AGTPBP1: variants seen among roughly 807,000 people sequenced by gnomAD.
AGTPBP1 encodes ATP/GTP binding carboxypeptidase 1.
Under a neutral mutation model 143.9 loss-of-function variants are expected in AGTPBP1, and 70 were observed. The ratio of observed to expected loss-of-function variants is 0.49; its 90% CI spans 0.40 to 0.59. The LOEUF (loss-of-function observed/expected upper bound fraction) is 0.59, where lower values mean the gene tolerates loss of function less well. Among genes scored for constraint, AGTPBP1 ranks in the 20% least tolerant of loss-of-function variants. The pLI, the probability that AGTPBP1 is intolerant of heterozygous loss-of-function variation, is 0.00. For synonymous variants in AGTPBP1, 463 were observed against 500.2 expected, an observed-to-expected ratio of 0.93 and a Z score of 0.99; for missense variants, 1,229 against 1,464.5, an observed-to-expected ratio of 0.84 and a Z score of 2.62.
chr9:85,689,637 G>A (rs1162235457), intron 3 of AGTPBP1, among the ~76,000 whole-genome samples: 1 of 151,978 alleles, frequency 6.6e-6, no homozygotes, highest in African/African-American at 2.4e-5. Context: ...GCTCACGCCT[G>A]TAATCCCAGC....
In AGTPBP1 at chr9:85,657,565, T is replaced by C. The variant is rs1361944868; in HGVS notation, c.779A>G (p.Asp260Gly). The C allele has an allele frequency of 6.2e-7, 1 of 1,614,046 alleles. No individual in the cohort carries two copies. Among genetic ancestry groups the C allele is most frequent in the Non-Finnish European group, 8.5e-7 (1 of 1,179,926 alleles). ...LTIYVDWHRH[D>G]NRHRNMLIRK... ...AATGAGCATGTTTCTATGCCGGTTATCATGGCGGTGCCAATCTACATAAAT... is the reference window on the plus strand; with the variant it reads ...AATGAGCATGTTTCTATGCCGGTTACCATGGCGGTGCCAATCTACATAAAT... The change falls in exon 10 of 26, where the codon GAT becomes GGT. Residue 260 changes from aspartate to glycine, a missense_variant. This residue lies in a region of AGTPBP1 where 743 missense variants were observed against 812.2 expected (regional missense o/e 0.91). Transcript: ENST00000357081.
chr9:85,754,702 T>C, the AGTPBP1 span, among the ~76,000 whole-genome samples: 2 of 152,182 alleles, frequency 1.3e-5, no homozygotes, highest in Non-Finnish European at 2.9e-5. Context: ...ATCTCTACCT[T>C]ACTTTAGAAA....
At chr9:85,775,762 T>C in the AGTPBP1 span, among the ~76,000 whole-genome samples, 9 of 152,022 alleles carry the variant, frequency 5.9e-5, no homozygotes, top group African/African-American at 2.2e-4. Context: ...GGGAGAAAGA[T>C]GTAGGCTGGG....
intron 8 of AGTPBP1, among the ~76,000 whole-genome samples, chr9:85,665,876 A>AAT (rs1404940784): frequency 6.6e-6 from 1 of 152,160 alleles, no homozygotes; most frequent in African/African-American, 2.4e-5. Context: ...ATGTTATTTA[A>AAT]GAGTTATTTT....
intron 25 of AGTPBP1, among the ~76,000 whole-genome samples, chr9:85,560,238 T>C (rs1826620754): frequency 6.6e-6 from 1 of 152,202 alleles, no homozygotes; most frequent in Non-Finnish European, 1.5e-5. Flanking sequence ...AATGCTGATT[T>C]ACATTACAAA....
At chr9:85,628,367 G>C (rs978601791) in intron 14 of AGTPBP1, among the ~76,000 whole-genome samples, 1 of 152,112 alleles carries the variant, frequency 6.6e-6, no homozygotes, top group Non-Finnish European at 1.5e-5. Flanking sequence ...AAAATGGAGC[G>C]ACAAATATGA....
At chr9:85,630,391 C>CTTACTTACTTATTTAT (rs777830669) in intron 14 of AGTPBP1, among the ~76,000 whole-genome samples, 10 of 151,484 alleles carry the variant, frequency 6.6e-5, no homozygotes, top group Admixed American at 1.3e-4. Context: ...TACTTACTTA[C>CTTACTTACTTATTTAT]TTATTTATTT....
At chr9:85,798,030 A>T in the AGTPBP1 span, among the ~76,000 whole-genome samples, 5 of 151,558 alleles carry the variant, frequency 3.3e-5, no homozygotes, top group African/African-American at 9.7e-5. Context: ...GTAGTTGGGA[A>T]TACAGGCATG....
Position 85,668,462 on chromosome 9 carries a change from C to CA in AGTPBP1, c.662+1022dup, listed in dbSNP as rs1027668295. 1.4e-3 allele frequency among the ~76,000 whole-genome samples: 176 copies of CA among 127,402 alleles called. 1 individual carries two copies. Among genetic ancestry groups the CA allele is most frequent in the Admixed American group, 2.5e-3 (32 of 12,626 alleles). 83.6% of individuals were successfully genotyped at this position (127,402 alleles called of 152,430 possible). ...TAGGCAACAGAGAGAGACTCCATTT[C>CA]AAAAAAAAAAAAGAAATTAATAATT... On this transcript the variant is annotated intron_variant, in intron 8 of 25. Coordinates refer to ENST00000357081, the MANE Select transcript of AGTPBP1 (RefSeq NM_001330701.2).
intron 2 of AGTPBP1, among the ~76,000 whole-genome samples, chr9:85,706,194 G>C (rs1836984850): frequency 6.6e-6 from 1 of 151,756 alleles, no homozygotes; most frequent in Non-Finnish European, 1.5e-5. Context: ...AAAGGAGGAA[G>C]AAGAGAATAA....
intron 1 of AGTPBP1, among the ~76,000 whole-genome samples, chr9:85,727,188 A>G (rs921298882): frequency 6.6e-6 from 1 of 152,070 alleles, no homozygotes; most frequent in Non-Finnish European, 1.5e-5. Flanking sequence ...TCAGCCGGGC[A>G]TGGTGGCACG....
At chr9:85,625,908 T>TTTG (rs71505757) in intron 14 of AGTPBP1, among the ~76,000 whole-genome samples, 5,505 of 136,798 alleles carry the variant, frequency 0.04, 147 homozygotes, top group Middle Eastern at 0.11. Flanking sequence ...AGTTTTGTTT[T>TTTG]TTTTTTTTTT....
At chr9:85,784,820 G>A in the AGTPBP1 span, among the ~76,000 whole-genome samples, 1 of 152,210 alleles carries the variant, frequency 6.6e-6, no homozygotes, top group Non-Finnish European at 1.5e-5. Flanking sequence ...CATCTAAATG[G>A]TCAGTGGCAA....
At chr9:85,745,892 A>G (rs1824574382), upstream of AGTPBP1, among the ~76,000 whole-genome samples, 1 of 152,190 alleles carries the variant, frequency 6.6e-6, no homozygotes, top group African/African-American at 2.4e-5. Flanking sequence ...TTTCTAACAA[A>G]GAGCAGCCTG....
rs1366183110 is a variant in AGTPBP1 at position 85,741,848 on chromosome 9, T to G, written c.-107A>C. 6.4e-6 allele frequency: 9 copies of G among 1,399,610 alleles called. No individual in the cohort carries two copies. The highest frequency in any genetic ancestry group is 4.6e-6 in the Non-Finnish European group (5 of 1,078,370). 86.7% of individuals were successfully genotyped at this position (1,399,610 alleles called of 1,614,324 possible). On this transcript the variant is annotated 5_prime_UTR_variant, in exon 1 of 26. Transcript: ENST00000357081. Reference sequence around the variant, plus strand: ...GGCTCAGCACCTGGATCACGGCGGATCCCTCGCCGCCCGCCGCCCGGTGTT... The same window carrying G: ...GGCTCAGCACCTGGATCACGGCGGAGCCCTCGCCGCCCGCCGCCCGGTGTT...
At chr9:85,783,491 C>T in the AGTPBP1 span, among the ~76,000 whole-genome samples, 8 of 152,070 alleles carry the variant, frequency 5.3e-5, no homozygotes, top group Admixed American at 2.0e-4. Context: ...TAATGCTACT[C>T]TAATATAATG....
In AGTPBP1 at chr9:85,619,013, A is replaced by C; in HGVS notation, c.2305T>G (p.Cys769Gly). 3 of 1,613,424 alleles carry C rather than the reference A, an allele frequency of 1.9e-6. No homozygotes were observed. The highest frequency in any genetic ancestry group is 2.5e-6 in the Non-Finnish European group (3 of 1,179,742). ...GVAYRFNIIN[C>G]EKSNSQFNYG... ...TTAAACTGACTGTTGGACTTTTCAC[A>C]GTTAATGATGTTAAACCTGTAAGCA... Residue 769 changes from cysteine to glycine, a missense_variant, in exon 17 of 26, where the codon TGT becomes GGT. Physicochemically the swap from Cys to Gly is radical, Grantham distance 159. Around this residue, in one of 2 missense-constraint regions of AGTPBP1, gnomAD observed 486 missense variants for 652.3 expected, o/e 0.75. Transcript: ENST00000357081.
At chr9:85,621,101 A>C (rs1181065099) in intron 15 of AGTPBP1, 101 bp downstream of exon 15, 4 of 565,600 alleles carry the variant, frequency 7.1e-6, no homozygotes, top group Non-Finnish European at 8.2e-6. Flanking sequence ...TATTTTAAAA[A>C]CTACCAACAT....
intron 13 of AGTPBP1, among the ~76,000 whole-genome samples, chr9:85,640,517 T>C (rs1256085660): frequency 6.6e-6 from 1 of 152,194 alleles, no homozygotes; most frequent in East Asian, 1.9e-4. Context: ...AGGAGTAACT[T>C]AGTGAGAAGC....
Sources: gnomAD v4.1 joint callset for allele counts (sites outside exome capture counted in the v4.1 genomes callset) on GRCh38, gnomAD v4.1.1 for gene constraint, gnomAD v4.1.1 regional missense constraint, MANE v1.5 for transcripts, NCBI Gene and HGNC (gene_info 2026-07-23, HGNC 2026-07-21) for gene names.